SLC24A3: variants seen among roughly 807,000 people sequenced by gnomAD.
SLC24A3 encodes the protein sodium/potassium/calcium exchanger 3.
A neutral mutation model predicts 75.8 loss-of-function variants in SLC24A3; 28 were observed. The observed-to-expected ratio is 0.37, with a 90% CI of 0.27 to 0.51. The LOEUF is 0.51. Ranked by LOEUF, SLC24A3 falls within the 20% of genes least tolerant of loss-of-function variation. The pLI, the probability that SLC24A3 is intolerant of heterozygous loss-of-function variation, is 0.94. For synonymous variants in SLC24A3, 372 were observed against 334.1 expected, an observed-to-expected ratio of 1.11 and a Z score of -1.24; for missense variants, 663 against 847.8, an observed-to-expected ratio of 0.78 and a Z score of 2.71.
At chr20:19,441,173 C>T (rs1290313902) in intron 2 of SLC24A3, among the ~76,000 whole-genome samples, 1 of 152,176 alleles carries the variant, frequency 6.6e-6, no homozygotes, top group Non-Finnish European at 1.5e-5. Flanking sequence ...ACCTTCCCTT[C>T]CTTGCACCGT....
intron 4 of SLC24A3, among the ~76,000 whole-genome samples, chr20:19,582,034 C>T (rs1229027601): frequency 1.3e-5 from 2 of 152,214 alleles, no homozygotes; most frequent in Non-Finnish European, 2.9e-5. Context: ...CTCCATGGAC[C>T]TTAAACAACC....
chr20:19,219,534 G>A (rs1052959719), intron 1 of SLC24A3, among the ~76,000 whole-genome samples: 4 of 152,132 alleles, frequency 2.6e-5, no homozygotes, highest in Admixed American at 6.5e-5. Context: ...ATGAGAGATC[G>A]GGATGAGAAA....
intron 9 of SLC24A3, among the ~76,000 whole-genome samples, chr20:19,678,431 A>C (rs2032557184): frequency 7.9e-6 from 1 of 126,164 alleles, no homozygotes. Context: ...GGCGCCCCTC[A>C]CCTCCCGGAC....
intron 3 of SLC24A3, among the ~76,000 whole-genome samples, chr20:19,561,273 T>C (rs1323032533): frequency 6.6e-6 from 1 of 152,210 alleles, no homozygotes; most frequent in Non-Finnish European, 1.5e-5. Context: ...CAGATGGGCC[T>C]AGATTTAGAC....
chr20:19,710,224 TAGAGAGAGATTTTAA>T, intron 15 of SLC24A3, among the ~76,000 whole-genome samples: 1 of 152,218 alleles, frequency 6.6e-6, no homozygotes, highest in Non-Finnish European at 1.5e-5. Flanking sequence ...GACCACAAAC[TAGAGAGAGATTTTAA>T]ACTGTAGTAT....
At chr20:19,713,745 T>A (rs1220706539) in intron 15 of SLC24A3, among the ~76,000 whole-genome samples, 1 of 152,176 alleles carries the variant, frequency 6.6e-6, no homozygotes, top group African/African-American at 2.4e-5. Context: ...CCAGGCCCTG[T>A]TCAACAGTTT....
intron 2 of SLC24A3, among the ~76,000 whole-genome samples, chr20:19,297,159 A>G (rs566404526): frequency 2.2e-4 from 33 of 152,308 alleles, no homozygotes; most frequent in African/African-American, 7.5e-4. Context: ...CCATCCATCA[A>G]TCCATGCTAT....
chr20:19,306,098 G>A (rs147109474), intron 2 of SLC24A3, among the ~76,000 whole-genome samples: 176 of 152,276 alleles, frequency 1.2e-3, no homozygotes, highest in Non-Finnish European at 1.9e-3. Flanking sequence ...GAAGACATAC[G>A]TGTGGCCAAC....
intron 15 of SLC24A3, among the ~76,000 whole-genome samples, chr20:19,701,404 C>T (rs2032871114): frequency 6.6e-6 from 1 of 151,998 alleles, no homozygotes; most frequent in Non-Finnish European, 1.5e-5. Flanking sequence ...GAGATAAATG[C>T]TTCATGAGCA....
intron 1 of SLC24A3, among the ~76,000 whole-genome samples, chr20:19,223,416 G>A (rs6081539): frequency 2.5e-4 from 38 of 152,078 alleles, no homozygotes; most frequent in Non-Finnish European, 3.8e-4. Context: ...TACAATCCAC[G>A]AACTTTATTC....
chr20:19,457,510 T>C (rs911910855), intron 2 of SLC24A3, among the ~76,000 whole-genome samples: 2 of 152,156 alleles, frequency 1.3e-5, no homozygotes, highest in Non-Finnish European at 2.9e-5. Flanking sequence ...TTCTACTGAA[T>C]AGAAAAATGC....
intron 6 of SLC24A3, among the ~76,000 whole-genome samples, chr20:19,595,565 T>G (rs2031441711): frequency 6.6e-6 from 1 of 152,200 alleles, no homozygotes; most frequent in Non-Finnish European, 1.5e-5. Flanking sequence ...AAACTCTGGG[T>G]AGCATTTGAG....
intron 3 of SLC24A3, among the ~76,000 whole-genome samples, chr20:19,571,881 T>C (rs1229400542): frequency 6.6e-6 from 1 of 152,178 alleles, no homozygotes; most frequent in Non-Finnish European, 1.5e-5. Context: ...TTCATTCCCT[T>C]CACAATCTTC....
At chr20:19,612,689 ACC>A (rs572652390) in intron 6 of SLC24A3, among the ~76,000 whole-genome samples, 1 of 150,152 alleles carries the variant, frequency 6.7e-6, no homozygotes, top group South Asian at 2.1e-4. Context: ...CACTGTGATC[ACC>A]CCCCCTCTGC....
At chr20:19,499,748 A>T (rs1231377098) in intron 2 of SLC24A3, among the ~76,000 whole-genome samples, 1 of 152,210 alleles carries the variant, frequency 6.6e-6, no homozygotes, top group African/African-American at 2.4e-5. Context: ...ATACTTGCGT[A>T]TGCATATGTT....
At chr20:19,493,685 G>T (rs1988238267) in intron 2 of SLC24A3, among the ~76,000 whole-genome samples, 1 of 152,098 alleles carries the variant, frequency 6.6e-6, no homozygotes, top group South Asian at 2.1e-4. Context: ...CATAAAATGG[G>T]ATCACTGGAG....
At chr20:19,302,405 A>G (rs1428038413) in intron 2 of SLC24A3, among the ~76,000 whole-genome samples, 1 of 152,266 alleles carries the variant, frequency 6.6e-6, no homozygotes, top group Non-Finnish European at 1.5e-5. Flanking sequence ...ATCTTGAAAC[A>G]ACAAAAATTA....
intron 2 of SLC24A3, among the ~76,000 whole-genome samples, chr20:19,410,320 G>C (rs536080497): frequency 1.1e-4 from 16 of 152,256 alleles, no homozygotes; most frequent in African/African-American, 3.9e-4. Context: ...AGCGAACCCA[G>C]CGTGCGGTCA....
At chr20:19,396,021 T>A (rs1258934414) in intron 2 of SLC24A3, among the ~76,000 whole-genome samples, 4 of 152,156 alleles carry the variant, frequency 2.6e-5, no homozygotes, top group Non-Finnish European at 5.9e-5. Flanking sequence ...GGCTGCAACA[T>A]GACACAACAA....
Sources: allele counts gnomAD v4.1 joint callset (sites outside exome capture counted in the v4.1 genomes callset), GRCh38; gene constraint gnomAD v4.1.1; transcripts MANE v1.5; gene names NCBI Gene and HGNC (gene_info 2026-07-23, HGNC 2026-07-21).